The following GPHN variants were observed in gnomAD, a reference collection of about 807,000 sequenced individuals.
GPHN encodes gephyrin.
A neutral mutation model predicts 95.5 loss-of-function variants in GPHN; 17 were observed. The ratio of observed to expected loss-of-function variants is 0.18; its 90% CI spans 0.12 to 0.27. GPHN has a LOEUF of 0.27. Among genes scored for constraint, GPHN ranks in the 10% least tolerant of loss-of-function variants. GPHN has a pLI of 1.00. For synonymous variants in GPHN, 320 were observed against 322.5 expected (o/e 0.99, Z 0.08); for missense variants, 660 against 978.1 (o/e 0.67, Z 4.34).
At chr14:67,661,278 CA>C in the GPHN span, among the ~76,000 whole-genome samples, 223 of 56,556 alleles carry the variant, frequency 3.9e-3, no homozygotes, top group Admixed American at 8.0e-3. Context: ...AGGGCTAGAG[CA>C]AAAAAAAAAA....
chr14:66,919,616 A>T (rs1567101684), intron 6 of GPHN, among the ~76,000 whole-genome samples: 1 of 152,170 alleles, frequency 6.6e-6, no homozygotes, highest in Non-Finnish European at 1.5e-5. Flanking sequence ...TCTCCTATTA[A>T]ACAATCTTGT....
chr14:67,348,964 C>G, the GPHN span: 4 of 1,376,156 alleles, frequency 2.9e-6, no homozygotes, highest in Admixed American at 1.9e-5. Flanking sequence ...TAAGATCTTG[C>G]TGTATAAACA....
intron 9 of GPHN, among the ~76,000 whole-genome samples, chr14:67,017,827 C>G (rs1461861934): frequency 6.6e-6 from 1 of 152,058 alleles, no homozygotes; most frequent in Admixed American, 6.6e-5. Context: ...TCTGTCAATA[C>G]TATCAGACCC....
chr14:67,239,676 C>T, the GPHN span, among the ~76,000 whole-genome samples: 2 of 152,188 alleles, frequency 1.3e-5, no homozygotes, highest in South Asian at 2.1e-4. Flanking sequence ...GCCAATGTGG[C>T]GAAACCCCGT....
the GPHN span, among the ~76,000 whole-genome samples, chr14:67,375,232 CTGTGTGTGTGTGTGTG>C: frequency 2.2e-3 from 302 of 137,670 alleles, 2 homozygotes; most frequent in African/African-American, 5.5e-3. Context: ...ATCCTCAGTT[CTGTGTGTGTGTGTGTG>C]TGTGTGTGTG....
At chr14:67,451,985 C>T in the GPHN span, among the ~76,000 whole-genome samples, 2 of 152,134 alleles carry the variant, frequency 1.3e-5, no homozygotes, top group African/African-American at 2.4e-5. Flanking sequence ...GGGTCTTTCC[C>T]ATGCTGTTCT....
At chr14:66,815,257 C>T (rs2060916845) in intron 3 of GPHN, among the ~76,000 whole-genome samples, 1 of 152,142 alleles carries the variant, frequency 6.6e-6, no homozygotes, top group South Asian at 2.1e-4. Flanking sequence ...AGGTATCATC[C>T]ATGAGAACTT....
intron 5 of GPHN, among the ~76,000 whole-genome samples, chr14:66,892,211 C>G (rs1256429151): frequency 2.6e-5 from 4 of 152,056 alleles, no homozygotes; most frequent in African/African-American, 9.7e-5. Context: ...TCACTTGAGG[C>G]CAAGAGTTTG....
chr14:67,233,357 G>A, the GPHN span, among the ~76,000 whole-genome samples: 8 of 152,200 alleles, frequency 5.3e-5, no homozygotes, highest in Middle Eastern at 3.4e-3. Flanking sequence ...GCCCAGGCTG[G>A]TCATGAACTC....
intron 2 of GPHN, among the ~76,000 whole-genome samples, chr14:66,682,177 T>G (rs1276360328): frequency 6.6e-6 from 1 of 152,194 alleles, no homozygotes; most frequent in African/African-American, 2.4e-5. Flanking sequence ...CAGAATGCAT[T>G]TCCAAGTCTA....
chr14:66,804,309 C>T (rs1447407773), intron 3 of GPHN, among the ~76,000 whole-genome samples: 1 of 152,190 alleles, frequency 6.6e-6, no homozygotes, highest in African/African-American at 2.4e-5. Flanking sequence ...CTCTTGTCTC[C>T]AGCCTAACCA....
chr14:67,568,625 A>T, the GPHN span, among the ~76,000 whole-genome samples: 1 of 152,186 alleles, frequency 6.6e-6, no homozygotes. Flanking sequence ...TTTTAAAAAA[A>T]GAAACAATAG....
intron 11 of GPHN, among the ~76,000 whole-genome samples, chr14:67,064,405 G>A (rs1055183347): frequency 1.3e-5 from 2 of 152,050 alleles, no homozygotes; most frequent in African/African-American, 4.8e-5. Context: ...TTTTTTTGTT[G>A]TGTCTCTGCC....
At chr14:67,606,123 T>C in the GPHN span, among the ~76,000 whole-genome samples, 9 of 152,242 alleles carry the variant, frequency 5.9e-5, no homozygotes, top group African/African-American at 2.2e-4. Flanking sequence ...GTCACCCTGT[T>C]GTTCTCATAG....
chr14:67,010,902 GA>G (rs1036830563), intron 9 of GPHN, among the ~76,000 whole-genome samples: 6 of 152,066 alleles, frequency 3.9e-5, no homozygotes, highest in East Asian at 1.9e-4. Context: ...AAAAAATAAT[GA>G]AAAAAATATA....
the GPHN span, among the ~76,000 whole-genome samples, chr14:67,546,299 A>G: frequency 6.6e-6 from 1 of 152,220 alleles, no homozygotes; most frequent in South Asian, 2.1e-4. Flanking sequence ...GACAAAAATT[A>G]AGGGTTGACG....
chr14:67,041,988 A>G (rs995541666), intron 10 of GPHN, among the ~76,000 whole-genome samples: 3 of 151,438 alleles, frequency 2.0e-5, no homozygotes, highest in African/African-American at 4.8e-5. Flanking sequence ...GCATATTTTC[A>G]TATGCCTGTT....
chr14:67,454,837 G>A, the GPHN span, among the ~76,000 whole-genome samples: 1 of 151,834 alleles, frequency 6.6e-6, no homozygotes, highest in Non-Finnish European at 1.5e-5. Flanking sequence ...CCCCTGAGGG[G>A]CGCCCTGTCC....
the GPHN span, among the ~76,000 whole-genome samples, chr14:67,462,296 T>G: frequency 6.6e-6 from 1 of 152,186 alleles, no homozygotes; most frequent in Admixed American, 6.5e-5. Context: ...TTCTCACTGC[T>G]GTATAGAGAA....
Sources: gnomAD v4.1 joint callset for allele counts (sites outside exome capture counted in the v4.1 genomes callset) on GRCh38, gnomAD v4.1.1 for gene constraint, MANE v1.5 for transcripts, NCBI Gene and HGNC (gene_info 2026-07-23, HGNC 2026-07-21) for gene names.